TMEM17: variants seen among roughly 807,000 people sequenced by gnomAD.
The protein encoded by TMEM17 is transmembrane protein 17.
TMEM17 carries 15 observed loss-of-function variants against 19.1 expected under a neutral mutation model. The observed-to-expected ratio is 0.78, with a 90% CI of 0.52 to 1.21. The LOEUF is 1.21. TMEM17 is among the 50% of genes most tolerant of loss of function. The pLI, the probability that TMEM17 is intolerant of heterozygous loss-of-function variation, is 0.00. For missense variants in TMEM17, 245 were observed against 242.3 expected, an observed-to-expected ratio of 1.01 and a Z score of -0.07; for synonymous variants, 103 against 86.9, an observed-to-expected ratio of 1.19 and a Z score of -1.03.
the TMEM17 span, among the ~76,000 whole-genome samples, chr2:62,467,923 A>G: frequency 6.7e-6 from 1 of 149,062 alleles, no homozygotes; most frequent in Non-Finnish European, 1.5e-5. Context: ...ACAGATGCGA[A>G]TTGTGAAACC....
At chr2:62,489,673 C>T in the TMEM17 span, among the ~76,000 whole-genome samples, 2 of 152,166 alleles carry the variant, frequency 1.3e-5, no homozygotes, top group Non-Finnish European at 2.9e-5. Flanking sequence ...GGGCTGTTTT[C>T]ATGACCTAGC....
At chr2:62,478,576 A>ACTCTTC in the TMEM17 span, among the ~76,000 whole-genome samples, 1 of 151,618 alleles carries the variant, frequency 6.6e-6, no homozygotes, top group African/African-American at 2.4e-5. Context: ...AAACAATTGA[A>ACTCTTC]CTCTTCCTTT....
the TMEM17 span, among the ~76,000 whole-genome samples, chr2:62,477,394 C>A: frequency 3.4e-5 from 1 of 29,394 alleles, no homozygotes; most frequent in Non-Finnish European, 6.0e-5. Context: ...GAGACTCCGT[C>A]TCAAAACAAA....
chr2:62,463,682 G>A, the TMEM17 span, among the ~76,000 whole-genome samples: 2 of 152,272 alleles, frequency 1.3e-5, no homozygotes, highest in East Asian at 3.9e-4. Context: ...AGGCAGAAAA[G>A]AGCGGGTCCC....
At chr2:62,485,634 A>G in the TMEM17 span, among the ~76,000 whole-genome samples, 1 of 152,208 alleles carries the variant, frequency 6.6e-6, no homozygotes, top group African/African-American at 2.4e-5. Context: ...AAGACCCAAG[A>G]GATCAGGAAG....
the TMEM17 span, among the ~76,000 whole-genome samples, chr2:62,461,646 T>TG: frequency 2.6e-5 from 4 of 152,188 alleles, no homozygotes; most frequent in African/African-American, 7.2e-5. Context: ...CAGAACCCTC[T>TG]GGGGGCGTCT....
At chr2:62,484,547 C>T in the TMEM17 span, among the ~76,000 whole-genome samples, 6 of 152,324 alleles carry the variant, frequency 3.9e-5, no homozygotes, top group South Asian at 1.0e-3. Context: ...AAAATGGTCA[C>T]ATGGAGCTAG....
At chr2:62,490,209 T>G in the TMEM17 span, among the ~76,000 whole-genome samples, 8 of 152,252 alleles carry the variant, frequency 5.3e-5, no homozygotes, top group South Asian at 2.1e-4. Flanking sequence ...AGTTCCTTAT[T>G]ATTTCTGTAG....
downstream of TMEM17, among the ~76,000 whole-genome samples, chr2:62,498,210 C>T (rs901530761): frequency 2.7e-5 from 4 of 150,730 alleles, no homozygotes; most frequent in Non-Finnish European, 5.9e-5. Context: ...CATGGTGAAA[C>T]CCTGCCTCTA....
the TMEM17 span, among the ~76,000 whole-genome samples, chr2:62,484,442 C>A: frequency 1.3e-5 from 2 of 152,254 alleles, no homozygotes; most frequent in Non-Finnish European, 2.9e-5. Flanking sequence ...CAGCCACTAT[C>A]AGCCACAGGA....
chr2:62,478,113 GA>G, the TMEM17 span, among the ~76,000 whole-genome samples: 2 of 152,192 alleles, frequency 1.3e-5, no homozygotes, highest in African/African-American at 4.8e-5. Flanking sequence ...TAAAATAAAT[GA>G]CTCTAGTGGT....
the TMEM17 span, among the ~76,000 whole-genome samples, chr2:62,461,404 T>C: frequency 6.6e-6 from 1 of 152,098 alleles, no homozygotes; most frequent in African/African-American, 2.4e-5. Context: ...CCAGGGCTGG[T>C]TTTCTGGTTC....
At chr2:62,478,589 G>T in the TMEM17 span, among the ~76,000 whole-genome samples, 2 of 152,120 alleles carry the variant, frequency 1.3e-5, no homozygotes, top group Non-Finnish European at 2.9e-5. Flanking sequence ...CTTCCTTTTG[G>T]CTCAGGCATC....
chr2:62,483,982 G>C, the TMEM17 span, among the ~76,000 whole-genome samples: 1 of 152,096 alleles, frequency 6.6e-6, no homozygotes, highest in Non-Finnish European at 1.5e-5. Flanking sequence ...CTATGACTAA[G>C]TTAAAATTTC....
chr2:62,484,357 C>T, the TMEM17 span, among the ~76,000 whole-genome samples: 1 of 152,148 alleles, frequency 6.6e-6, no homozygotes, highest in Non-Finnish European at 1.5e-5. Context: ...GGAGCAGCTC[C>T]GATTCCAGCT....
intron 3 of TMEM17, chr2:62,502,029 A>T (rs1679942888): frequency 4.9e-5 from 8 of 163,886 alleles, no homozygotes; most frequent in Admixed American, 4.7e-4. Context: ...AGGCAGCATG[A>T]TGATGCAGAA....
downstream of TMEM17, chr2:62,500,151 T>C (rs1679881769): frequency 6.6e-6 from 1 of 152,176 alleles, no homozygotes; most frequent in Non-Finnish European, 1.5e-5. Context: ...TTTCCTTCCT[T>C]CTCTTGCAAC....
chr2:62,483,295 T>C, the TMEM17 span, among the ~76,000 whole-genome samples: 1 of 152,230 alleles, frequency 6.6e-6, no homozygotes, highest in Non-Finnish European at 1.5e-5. Flanking sequence ...GGAGCTTTTC[T>C]AATTCCCTTT....
the TMEM17 span, among the ~76,000 whole-genome samples, chr2:62,461,234 G>A: frequency 6.6e-6 from 1 of 152,028 alleles, no homozygotes; most frequent in Non-Finnish European, 1.5e-5. Context: ...TTACCAATAT[G>A]TTCAAATGAG....
Sources: gnomAD v4.1 joint callset for allele counts (sites outside exome capture counted in the v4.1 genomes callset) on GRCh38, gnomAD v4.1.1 for gene constraint, MANE v1.5 for transcripts, NCBI Gene and HGNC (gene_info 2026-07-23, HGNC 2026-07-21) for gene names.